The following KSR2 variants were observed in gnomAD, a reference collection of about 807,000 sequenced individuals.
The protein encoded by KSR2 is kinase suppressor of ras 2.
A neutral mutation model predicts 107.8 loss-of-function variants in KSR2; 25 were observed. The observed-to-expected ratio is 0.23, with a 90% CI of 0.17 to 0.32. The LOEUF is 0.32. Among genes scored for constraint, KSR2 ranks in the 10% least tolerant of loss-of-function variants. The pLI, the probability that KSR2 is intolerant of heterozygous loss-of-function variation, is 1.00. For missense variants in KSR2, 887 were observed against 1,268.9 expected, an observed-to-expected ratio of 0.70 and a Z score of 4.57; for synonymous variants, 480 against 507.0, an observed-to-expected ratio of 0.95 and a Z score of 0.71.
At chr12:117,751,328 T>C (rs1888605086) in intron 4 of KSR2, among the ~76,000 whole-genome samples, 1 of 152,240 alleles carries the variant, frequency 6.6e-6, no homozygotes, top group Non-Finnish European at 1.5e-5. Flanking sequence ...GTCTCGGGTA[T>C]GTCTTCATTA....
intron 1 of KSR2, among the ~76,000 whole-genome samples, chr12:117,866,840 A>T (rs79976771): frequency 1.3e-3 from 73 of 56,532 alleles, no homozygotes; most frequent in East Asian, 8.8e-3. Flanking sequence ...AAAAAAAATT[A>T]AAAAAAAAAT....
chr12:117,535,604 T>TTGTGTGTGTGTG (rs5801239), intron 10 of KSR2, among the ~76,000 whole-genome samples: 177 of 142,320 alleles, frequency 1.2e-3, no homozygotes, highest in African/African-American at 4.4e-3. Context: ...TTTCCTGGAG[T>TTGTGTGTGTGTG]TGTGTGTGTG....
intron 3 of KSR2, among the ~76,000 whole-genome samples, chr12:117,779,176 T>C (rs1027021665): frequency 6.6e-6 from 1 of 152,218 alleles, no homozygotes; most frequent in African/African-American, 2.4e-5. Flanking sequence ...GAAATGTGGA[T>C]ACTTCTAAGA....
rs1372168892 is a variant in KSR2 at position 117,630,951 on chromosome 12, T to C, written c.1171+36523A>G. Among the ~76,000 whole-genome samples, 3 of 152,238 alleles carry C rather than the reference T, an allele frequency of 2.0e-5. No individual in the cohort carries two copies. In the South Asian group the frequency reaches 6.2e-4, roughly 32 times the overall value. On this transcript the variant is annotated intron_variant, in intron 5 of 19. Transcript: ENST00000339824. ...CCTGAGGATTCACAATCCAAGCCAA[T>C]GAGCTCTGTGAGAAGTAAAAATGCT...
At chr12:117,577,760 C>T (rs1879374763) in intron 7 of KSR2, among the ~76,000 whole-genome samples, 1 of 152,114 alleles carries the variant, frequency 6.6e-6, no homozygotes, top group Non-Finnish European at 1.5e-5. Context: ...AGGAAACCAC[C>T]CCCACGATTC....
intron 3 of KSR2, among the ~76,000 whole-genome samples, chr12:117,799,564 T>TA (rs1274450913): frequency 2.6e-5 from 4 of 151,734 alleles, no homozygotes; most frequent in Non-Finnish European, 5.9e-5. Flanking sequence ...TTTACCATAA[T>TA]AAAAAAAATT....
chr12:117,864,924 T>C (rs1388114137), intron 1 of KSR2, among the ~76,000 whole-genome samples: 1 of 152,092 alleles, frequency 6.6e-6, no homozygotes, highest in Admixed American at 6.5e-5. Context: ...GGATCACAAC[T>C]GGAACCAGAA....
chr12:117,674,170 T>C (rs1885024660), intron 4 of KSR2: 2 of 424,050 alleles, frequency 4.7e-6, no homozygotes, highest in South Asian at 3.4e-5. Flanking sequence ...CCAATTTACA[T>C]ACAGTATCAA....
chr12:117,583,940 C>T (rs181559690), intron 5 of KSR2, among the ~76,000 whole-genome samples: 39 of 152,310 alleles, frequency 2.6e-4, no homozygotes, highest in Admixed American at 5.2e-4. Flanking sequence ...GCACTCTCTT[C>T]GGGGAGCCGG....
chr12:117,685,473 G>A (rs1026156558), intron 4 of KSR2, among the ~76,000 whole-genome samples: 6 of 152,156 alleles, frequency 3.9e-5, no homozygotes, highest in Non-Finnish European at 8.8e-5. Flanking sequence ...ATAAATTGGC[G>A]CAGAGGTCTG....
chr12:117,676,577 A>C (rs1421942541), intron 4 of KSR2, among the ~76,000 whole-genome samples: 1 of 152,190 alleles, frequency 6.6e-6, no homozygotes, highest in Non-Finnish European at 1.5e-5. Flanking sequence ...GGGGGAGGAG[A>C]TGTTGGCTAA....
intron 3 of KSR2, 41 bp from the exon 4 acceptor site, chr12:117,761,565 G>A: frequency 6.2e-7 from 1 of 1,604,482 alleles, no homozygotes; most frequent in Non-Finnish European, 8.5e-7. Flanking sequence ...GGTAAGCCAT[G>A]AGAAAGCCAG....
intron 13 of KSR2, 59 bp downstream of exon 13, chr12:117,527,012 C>G: frequency 1.3e-6 from 2 of 1,486,510 alleles, no homozygotes; most frequent in Non-Finnish European, 1.9e-6. Context: ...CGTCAGTCGG[C>G]TTTGCCAAGT....
chr12:117,859,139 C>CTTTTTT (rs34697963), intron 2 of KSR2, among the ~76,000 whole-genome samples: 3 of 81,094 alleles, frequency 3.7e-5, no homozygotes, highest in Admixed American at 1.6e-4. Flanking sequence ...ATGAGCTGAA[C>CTTTTTT]TTTTTTTTTT....
chr12:117,552,717 C>T (rs533125569), intron 9 of KSR2, among the ~76,000 whole-genome samples: 4 of 152,222 alleles, frequency 2.6e-5, no homozygotes, highest in African/African-American at 9.6e-5. Flanking sequence ...TTAGGCTTTG[C>T]AGGCCATGCA....
At chr12:117,663,179 C>G (rs983473693) in intron 5 of KSR2, among the ~76,000 whole-genome samples, 2 of 152,174 alleles carry the variant, frequency 1.3e-5, no homozygotes, top group Non-Finnish European at 2.9e-5. Context: ...AGTTCCCTAC[C>G]TAATGAGCAA....
At chr12:117,607,683 A>AGAGGAGAGGAGAGGAGAGGAGAGTT (rs1881361322) in intron 5 of KSR2, among the ~76,000 whole-genome samples, 2 of 147,376 alleles carry the variant, frequency 1.4e-5, no homozygotes, top group Non-Finnish European at 3.0e-5. Context: ...AGAGGAGAGG[A>AGAGGAGAGGAGAGGAGAGGAGAGTT]GAGGAGAGGA....
intron 4 of KSR2, among the ~76,000 whole-genome samples, chr12:117,732,692 G>A (rs1344538341): frequency 1.3e-5 from 2 of 152,174 alleles, no homozygotes; most frequent in Non-Finnish European, 2.9e-5. Flanking sequence ...TGGAGGCCTA[G>A]AGAGTTGTTA....
intron 4 of KSR2, among the ~76,000 whole-genome samples, chr12:117,731,723 C>G (rs1887719043): frequency 6.6e-6 from 1 of 152,044 alleles, no homozygotes; most frequent in Admixed American, 6.6e-5. Flanking sequence ...TCCTGTTGAT[C>G]TGTGACCTTA....
Sources: gnomAD v4.1 joint callset for allele counts (sites outside exome capture counted in the v4.1 genomes callset) on GRCh38, gnomAD v4.1.1 for gene constraint, MANE v1.5 for transcripts, NCBI Gene and HGNC (gene_info 2026-07-23, HGNC 2026-07-21) for gene names.